GLG1: variants seen among roughly 807,000 people sequenced by gnomAD.
GLG1 encodes Golgi apparatus protein 1.
In GLG1, 38 loss-of-function variants were observed where a neutral mutation model predicts 160.5. That is an observed-to-expected ratio of 0.24 (90% confidence interval 0.18 to 0.31). The LOEUF is 0.31. Ranked by LOEUF, GLG1 falls within the 10% of genes least tolerant of loss-of-function variation. The pLI is 1.00. For synonymous variants in GLG1, 644 were observed against 543.4 expected (o/e 1.19, Z -2.57); for missense variants, 1,373 against 1,505.2 (o/e 0.91, Z 1.45).
intron 1 of GLG1, among the ~76,000 whole-genome samples, chr16:74,560,027 T>C (rs894650349): frequency 4.6e-5 from 7 of 152,210 alleles, no homozygotes; most frequent in African/African-American, 1.7e-4. Context: ...ACACATTTTA[T>C]TCAGATTGTA....
At chr16:74,572,548 C>T (rs2018862149) in intron 1 of GLG1, among the ~76,000 whole-genome samples, 1 of 146,534 alleles carries the variant, frequency 6.8e-6, no homozygotes, top group African/African-American at 2.5e-5. Context: ...AAACACAAAA[C>T]ACCCCAAAGG....
chr16:74,475,044 C>T (rs541658210), intron 12 of GLG1, among the ~76,000 whole-genome samples: 4 of 150,994 alleles, frequency 2.6e-5, no homozygotes, highest in African/African-American at 9.7e-5. Flanking sequence ...GTAATCCCAG[C>T]AACTCAGGAG....
At chr16:74,467,587 C>T (rs2015045457) in intron 18 of GLG1, among the ~76,000 whole-genome samples, 169 bp downstream of exon 18, 1 of 152,068 alleles carries the variant, frequency 6.6e-6, no homozygotes, top group Admixed American at 6.5e-5. Context: ...GGAAACGCAG[C>T]CTGATGTAGT....
At chr16:74,474,881 G>A (rs763745008) in intron 12 of GLG1, among the ~76,000 whole-genome samples, 2 of 152,206 alleles carry the variant, frequency 1.3e-5, no homozygotes, top group African/African-American at 2.4e-5. Context: ...CAAAGGCTGG[G>A]CATGATGGCT....
rs182696849 is a variant in GLG1, at chr16:74,485,929, T to C, written c.1450-12A>G. The C allele has an allele frequency of 1.9e-6, 3 of 1,606,486 alleles. No individual in the cohort carries two copies. In the East Asian group the frequency reaches 6.7e-5, roughly 36 times the overall value. On this transcript the variant is annotated splice_polypyrimidine_tract_variant and intron_variant, in intron 8 of 25. Transcript: ENST00000422840. ...ATCAGTGTTTGAAGCTGAATTAAAATAAATTAAGAAGGAAGAAAGAAAGTC... is the reference window on the plus strand; with the variant it reads ...ATCAGTGTTTGAAGCTGAATTAAAACAAATTAAGAAGGAAGAAAGAAAGTC...
rs985899974 is a variant in GLG1 at position 74,553,622 on chromosome 16, GC to G, written c.439-21470del. 1.8e-3 allele frequency among the ~76,000 whole-genome samples: 271 copies of G among 151,962 alleles called. 1 individual carries two copies. The highest frequency in any genetic ancestry group is 6.2e-3 in the African/African-American group (255 of 41,452). ...CGAGTAGCTGGGACTACAGGTGCCT[GC>G]CACCACGCCCGGCTAATTTTTCTGT... On this transcript the variant is annotated intron_variant, in intron 1 of 25. Transcript: ENST00000422840.
At chr16:74,498,480 AT>A (rs2016293082) in intron 4 of GLG1, among the ~76,000 whole-genome samples, 2 of 116,370 alleles carry the variant, frequency 1.7e-5, no homozygotes, top group East Asian at 5.1e-4. Flanking sequence ...TATTTTATAT[AT>A]ATATTTTATA....
intron 2 of GLG1, among the ~76,000 whole-genome samples, chr16:74,511,420 G>C (rs1305163593): frequency 6.6e-6 from 1 of 152,070 alleles, no homozygotes; most frequent in Non-Finnish European, 1.5e-5. Context: ...GGGAGGCCAA[G>C]GTAGGTGGAT....
intron 19 of GLG1, among the ~76,000 whole-genome samples, chr16:74,465,028 G>A (rs1172526050): frequency 3.3e-5 from 5 of 152,150 alleles, no homozygotes; most frequent in African/African-American, 4.8e-5. Flanking sequence ...TAGTAGAGAC[G>A]GGGTTTCACC....
intron 1 of GLG1, among the ~76,000 whole-genome samples, chr16:74,587,553 G>A (rs1355311424): frequency 6.6e-6 from 1 of 152,110 alleles, no homozygotes; most frequent in East Asian, 1.9e-4. Flanking sequence ...AGACATGATG[G>A]AATTAGCACA....
intron 1 of GLG1, among the ~76,000 whole-genome samples, chr16:74,573,976 T>G (rs545397954): frequency 3.9e-5 from 6 of 151,996 alleles, no homozygotes; most frequent in South Asian, 2.1e-4. Context: ...TGTAGAGGCA[T>G]GACTTCTCCA....
intron 1 of GLG1, among the ~76,000 whole-genome samples, chr16:74,586,590 T>A (rs1273569651): frequency 6.6e-6 from 1 of 152,020 alleles, no homozygotes; most frequent in African/African-American, 2.4e-5. Context: ...TCCTCTCACC[T>A]CAGCCTCCAG....
intron 17 of GLG1, chr16:74,468,152 T>C (rs1373267602): frequency 4.2e-6 from 1 of 239,598 alleles, no homozygotes. Flanking sequence ...AAATGTAGAG[T>C]TCTACTTTTA....
intron 1 of GLG1, among the ~76,000 whole-genome samples, chr16:74,552,023 AC>A (rs1220771457): frequency 1.3e-5 from 2 of 151,730 alleles, no homozygotes; most frequent in Non-Finnish European, 2.9e-5. Context: ...AAGTTTGCAT[AC>A]CCTTTAAGCC....
chr16:74,497,872 G>A (rs530536113), intron 4 of GLG1, among the ~76,000 whole-genome samples: 2 of 152,246 alleles, frequency 1.3e-5, no homozygotes, highest in East Asian at 1.9e-4. Context: ...TAATACTCAC[G>A]TTGATGTTCT....
chr16:74,504,075 G>A (rs939334960), intron 3 of GLG1, among the ~76,000 whole-genome samples: 1 of 152,118 alleles, frequency 6.6e-6, no homozygotes, highest in Non-Finnish European at 1.5e-5. Context: ...CTACAGCTTT[G>A]GCATGGTCCT....
At chr16:74,585,552 A>T (rs1355209997) in intron 1 of GLG1, among the ~76,000 whole-genome samples, 1 of 151,372 alleles carries the variant, frequency 6.6e-6, no homozygotes, top group African/African-American at 2.4e-5. Context: ...TAAAACTACA[A>T]AAAAAATTAG....
At chr16:74,481,309 A>T (rs1430934038) in intron 10 of GLG1, among the ~76,000 whole-genome samples, 1 of 152,242 alleles carries the variant, frequency 6.6e-6, no homozygotes, top group East Asian at 1.9e-4. Flanking sequence ...TGGATTAGAC[A>T]ATGAGCCTGC....
chr16:74,510,095 G>A (rs369843418), intron 2 of GLG1, among the ~76,000 whole-genome samples: 154 of 150,082 alleles, frequency 1.0e-3, no homozygotes, highest in Non-Finnish European at 1.7e-3. Context: ...GCAATGGCGC[G>A]ATCTCGGCTC....
Sources: allele counts gnomAD v4.1 joint callset (sites outside exome capture counted in the v4.1 genomes callset), GRCh38; gene constraint gnomAD v4.1.1; transcripts MANE v1.5; gene names NCBI Gene and HGNC (gene_info 2026-07-23, HGNC 2026-07-21).